The following SI variants were observed in gnomAD, a reference collection of about 807,000 sequenced individuals.
SI encodes the protein sucrase-isomaltase.
SI carries 235 observed loss-of-function variants against 253.3 expected under a neutral mutation model. The ratio of observed to expected loss-of-function variants is 0.93; its 90% confidence interval spans 0.83 to 1.03. The LOEUF is 1.03. Among genes scored for constraint, SI ranks in the 50% least tolerant of loss-of-function variants. The pLI is 0.00. For missense variants in SI, 2,442 were observed against 2,211.1 expected, an observed-to-expected ratio of 1.10 and a Z score of -2.09; for synonymous variants, 819 against 712.0, an observed-to-expected ratio of 1.15 and a Z score of -2.39.
At chr3:164,980,003 T>C (rs1352342089) in intron 47 of SI, among the ~76,000 whole-genome samples, 1 of 151,818 alleles carries the variant, frequency 6.6e-6, no homozygotes, top group Non-Finnish European at 1.5e-5. Context: ...TGATCTTCTG[T>C]CATAGTTTTA....
intron 4 of SI, 67 bp from the exon 5 acceptor site, chr3:165,068,898 TTA>T (rs1714398531): frequency 8.8e-7 from 1 of 1,138,392 alleles, no homozygotes; most frequent in Non-Finnish European, 1.3e-6. Context: ...TTAAATATAT[TTA>T]TGTTATTGTA....
rs774989815 is a variant in SI at position 165,049,790 on chromosome 3, C to A, written c.1597+1G>T. 1 of 1,548,694 alleles carries A rather than the reference C, an allele frequency of 6.5e-7. No homozygotes were observed. The highest frequency in any genetic ancestry group is 8.9e-7 in the Non-Finnish European group (1 of 1,122,366). On this transcript the variant is annotated splice_donor_variant, in intron 14 of 47. Transcript: ENST00000264382. LOFTEE classifies it high-confidence loss of function. ...TAATTAGATAACCAAATAAATTTTA[C>A]CAGGAGTAAACGGTGGATAATTCAA...
the SI span, among the ~76,000 whole-genome samples, chr3:165,084,394 T>C: frequency 1.3e-5 from 2 of 152,076 alleles, no homozygotes; most frequent in African/African-American, 2.4e-5. Flanking sequence ...ACATAAGTTC[T>C]TGGGGAACTT....
At chr3:165,032,254 A>G (rs1299598907) in intron 24 of SI, among the ~76,000 whole-genome samples, 1 of 151,232 alleles carries the variant, frequency 6.6e-6, no homozygotes, top group East Asian at 1.9e-4. Flanking sequence ...AGAAAGTCCC[A>G]TATAATTAGA....
intron 7 of SI, among the ~76,000 whole-genome samples, 188 bp downstream of exon 7, chr3:165,065,073 T>C (rs1714169540): frequency 6.6e-6 from 1 of 151,996 alleles, no homozygotes; most frequent in Admixed American, 6.6e-5. Flanking sequence ...ACAAAATCTG[T>C]TGGTCACTGA....
At chr3:165,028,715 C>A (rs1330388028) in intron 25 of SI, among the ~76,000 whole-genome samples, 1 of 150,038 alleles carries the variant, frequency 6.7e-6, no homozygotes, top group Non-Finnish European at 1.5e-5. Context: ...ACAAATGGTG[C>A]TACGATTATT....
chr3:165,044,969 C>T (rs1713032105), intron 16 of SI, among the ~76,000 whole-genome samples: 1 of 151,954 alleles, frequency 6.6e-6, no homozygotes, highest in African/African-American at 2.4e-5. Context: ...TTCCTAAATA[C>T]TGAGTCAATA....
At chr3:165,070,562 AC>A (rs1714510297) in intron 3 of SI, among the ~76,000 whole-genome samples, 1 of 151,570 alleles carries the variant, frequency 6.6e-6, no homozygotes, top group Non-Finnish European at 1.5e-5. Context: ...AGACAATTCT[AC>A]AAAAAAAATT....
intron 25 of SI, among the ~76,000 whole-genome samples, chr3:165,026,619 A>G (rs1210400720): frequency 6.6e-6 from 1 of 151,400 alleles, no homozygotes; most frequent in East Asian, 1.9e-4. Context: ...TATATCAAGC[A>G]CTCTCTGAGA....
chr3:165,044,799 A>G (rs1713026346), intron 16 of SI, among the ~76,000 whole-genome samples: 1 of 151,950 alleles, frequency 6.6e-6, no homozygotes, highest in Non-Finnish European at 1.5e-5. Flanking sequence ...TTCTCCTTGT[A>G]TTCTGCTTAA....
intron 34 of SI, among the ~76,000 whole-genome samples, chr3:165,011,812 A>T (rs1718785274): frequency 6.7e-6 from 1 of 149,418 alleles, no homozygotes; most frequent in Admixed American, 6.7e-5. Context: ...TCTATTTATT[A>T]TTGAAAGTGT....
chr3:165,068,980 G>T, intron 4 of SI, 98 bp downstream of exon 4: 1 of 1,064,494 alleles, frequency 9.4e-7, no homozygotes, highest in Non-Finnish European at 1.5e-6. Context: ...ACATTCTCAG[G>T]AACATATTTC....
intron 17 of SI, among the ~76,000 whole-genome samples, chr3:165,041,462 C>T (rs1448777107): frequency 1.3e-5 from 2 of 151,976 alleles, no homozygotes; most frequent in African/African-American, 2.4e-5. Context: ...AGGGTGCCTA[C>T]CCAAGCTTCG....
At chr3:165,014,453 G>C (rs559244664) in intron 33 of SI, among the ~76,000 whole-genome samples, 2 of 152,070 alleles carry the variant, frequency 1.3e-5, no homozygotes, top group African/African-American at 4.8e-5. Flanking sequence ...GTTTCACCAC[G>C]TTAGCCAGGA....
intron 29 of SI, 42 bp from the exon 30 acceptor site, chr3:165,017,915 T>C (rs577887871): frequency 1.9e-6 from 3 of 1,574,542 alleles, no homozygotes; most frequent in East Asian, 2.2e-5. Flanking sequence ...CTATGTATAC[T>C]AGTTTATGAA....
the SI span, among the ~76,000 whole-genome samples, chr3:165,086,768 G>A: frequency 2.0e-5 from 3 of 152,150 alleles, no homozygotes; most frequent in South Asian, 4.1e-4. Context: ...AAGCAGATGG[G>A]CATTAATGCC....
intron 3 of SI, among the ~76,000 whole-genome samples, chr3:165,070,226 GA>G (rs1404691592): frequency 1.4e-5 from 2 of 140,140 alleles, no homozygotes; most frequent in African/African-American, 5.5e-5. Context: ...TGTTTATATA[GA>G]ATAAAAATAC....
intron 25 of SI, among the ~76,000 whole-genome samples, chr3:165,028,715 C>T (rs1330388028): frequency 6.7e-6 from 1 of 150,160 alleles, no homozygotes. Flanking sequence ...ACAAATGGTG[C>T]TACGATTATT....
At chr3:165,010,022 C>A (rs751514092) in intron 34 of SI, among the ~76,000 whole-genome samples, 1 of 152,140 alleles carries the variant, frequency 6.6e-6, no homozygotes, top group African/African-American at 2.4e-5. Context: ...AATGACATGA[C>A]AACCTGGATG....
Sources: allele counts gnomAD v4.1 joint callset (sites outside exome capture counted in the v4.1 genomes callset), GRCh38; gene constraint gnomAD v4.1.1; transcripts MANE v1.5; gene names NCBI Gene and HGNC (gene_info 2026-07-23, HGNC 2026-07-21).